The following DGLUCY variants were observed in gnomAD, a reference collection of about 807,000 sequenced individuals.
The protein encoded by DGLUCY is D-glutamate cyclase, mitochondrial.
A neutral mutation model predicts 58.5 loss-of-function variants in DGLUCY; 58 were observed. The observed-to-expected ratio is 0.99, with a 90% CI of 0.80 to 1.23. The LOEUF is 1.23. Among genes scored for constraint, DGLUCY ranks in the 50% most tolerant of loss-of-function variants. DGLUCY has a pLI of 0.00. For synonymous variants in DGLUCY, 325 were observed against 314.1 expected (o/e 1.03, Z -0.37); for missense variants, 779 against 784.7 (o/e 0.99, Z 0.09).
intron 9 of DGLUCY, among the ~76,000 whole-genome samples, chr14:91,195,059 G>T (rs2050122405): frequency 6.6e-6 from 1 of 152,108 alleles, no homozygotes; most frequent in African/African-American, 2.4e-5. Flanking sequence ...CTACGTGAGG[G>T]GTGTGAGGGG....
chr14:91,118,952 G>A (rs954361623), intron 1 of DGLUCY, among the ~76,000 whole-genome samples: 4 of 151,934 alleles, frequency 2.6e-5, no homozygotes, highest in Non-Finnish European at 5.9e-5. Flanking sequence ...ACCCTAAAAA[G>A]TCTACCTAAA....
chr14:91,123,499 T>C (rs1301255103), intron 1 of DGLUCY, among the ~76,000 whole-genome samples: 1 of 143,410 alleles, frequency 7.0e-6, no homozygotes, highest in Non-Finnish European at 1.5e-5. Context: ...AAAAAAAGAA[T>C]GAACTGTATG....
chr14:91,218,008 G>A (rs959316171), intron 13 of DGLUCY, among the ~76,000 whole-genome samples: 5 of 152,190 alleles, frequency 3.3e-5, no homozygotes, highest in Non-Finnish European at 7.3e-5. Flanking sequence ...CCAGCTGAGA[G>A]GCAGAGCTGG....
intron 1 of DGLUCY, among the ~76,000 whole-genome samples, chr14:91,141,916 GCCCACT>G (rs757342080): frequency 1.3e-5 from 2 of 151,292 alleles, no homozygotes; most frequent in Non-Finnish European, 2.9e-5. Flanking sequence ...CGTGATCTCG[GCCCACT>G]GCAACCTCTG....
intron 1 of DGLUCY, among the ~76,000 whole-genome samples, chr14:91,156,753 C>T (rs2047641995): frequency 6.6e-6 from 1 of 152,182 alleles, no homozygotes; most frequent in Admixed American, 6.5e-5. Flanking sequence ...AGCCAGGGCT[C>T]ACTGATTGGA....
At chr14:91,173,870 A>G (rs2048714219) in intron 6 of DGLUCY, 2 of 151,780 alleles carry the variant, frequency 1.3e-5, no homozygotes, top group South Asian at 4.1e-4. Flanking sequence ...ATATATATAT[A>G]TAATGAATAT....
At chr14:91,068,065 A>C (rs1393001542) in intron 1 of DGLUCY, among the ~76,000 whole-genome samples, 1 of 128,502 alleles carries the variant, frequency 7.8e-6, no homozygotes, top group Non-Finnish European at 1.6e-5. Context: ...GCGTGCACAC[A>C]CACACACGCG....
At chr14:91,108,520 TGTGTGTGAGA>T (rs1212467449) in intron 1 of DGLUCY, among the ~76,000 whole-genome samples, 33 of 83,602 alleles carry the variant, frequency 3.9e-4, no homozygotes, top group Non-Finnish European at 3.7e-4. Flanking sequence ...TGTGTGTGTG[TGTGTGTGAGA>T]GAGAGAGAGA....
intron 1 of DGLUCY, among the ~76,000 whole-genome samples, chr14:91,149,822 T>A (rs942038128): frequency 7.2e-5 from 11 of 152,218 alleles, no homozygotes; most frequent in Non-Finnish European, 1.2e-4. Flanking sequence ...AAAAGCAGAT[T>A]TACTTTGAAG....
At chr14:91,115,622 C>A (rs2044879964) in intron 1 of DGLUCY, among the ~76,000 whole-genome samples, 1 of 152,108 alleles carries the variant, frequency 6.6e-6, no homozygotes, top group Non-Finnish European at 1.5e-5. Flanking sequence ...CAGGGTTTTG[C>A]CATGTTAGCC....
At chr14:91,146,021 G>C (rs776056651) in intron 1 of DGLUCY, among the ~76,000 whole-genome samples, 29 of 152,238 alleles carry the variant, frequency 1.9e-4, no homozygotes, top group East Asian at 1.2e-3. Flanking sequence ...TGGGACCACA[G>C]CTACCATGCC....
intron 1 of DGLUCY, among the ~76,000 whole-genome samples, chr14:91,135,751 G>T (rs1040436422): frequency 6.8e-6 from 1 of 147,024 alleles, no homozygotes; most frequent in African/African-American, 2.5e-5. Flanking sequence ...GTTCAAATTA[G>T]TTGAGTTTTT....
chr14:91,112,078 TA>T (rs577578257), upstream of DGLUCY, among the ~76,000 whole-genome samples: 751 of 137,534 alleles, frequency 5.5e-3, no homozygotes, highest in Admixed American at 5.8e-3. Context: ...TCTCTACTAC[TA>T]AAAAAAAAAA....
chr14:91,146,141 G>A (rs1014667240), intron 1 of DGLUCY, among the ~76,000 whole-genome samples: 1 of 152,140 alleles, frequency 6.6e-6, no homozygotes, highest in Non-Finnish European at 1.5e-5. Context: ...CCAAAGTGCT[G>A]GAATTAAGGC....
At chr14:91,173,152 A>G (rs2048666013) in intron 5 of DGLUCY, 137 bp from the exon 6 acceptor site, 4 of 964,546 alleles carry the variant, frequency 4.1e-6, no homozygotes, top group Non-Finnish European at 6.1e-6. Context: ...TCTATGTCAC[A>G]TAAAAATAGA....
intron 9 of DGLUCY, among the ~76,000 whole-genome samples, chr14:91,190,028 C>T (rs2049779307): frequency 7.2e-6 from 1 of 138,994 alleles, no homozygotes; most frequent in Admixed American, 7.7e-5. Flanking sequence ...CGCTCTGTCG[C>T]CCAGGCTGGA....
intron 2 of DGLUCY, 41 bp from the exon 3 acceptor site, chr14:91,160,225 G>A (rs1191642433): frequency 2.4e-6 from 3 of 1,247,364 alleles, no homozygotes; most frequent in African/African-American, 1.5e-5. Context: ...CCTTCAGGGG[G>A]CCACACTTTC....
chr14:91,200,561 T>C lies in DGLUCY; in HGVS notation c.1444+656T>C, dbSNP rs914938239. On this transcript the variant is annotated intron_variant, in intron 11 of 13. Transcript: ENST00000256324. Reference sequence around the variant, plus strand: ...GTGAAGCATGTTAATTTAAAAATTATCTAATATATGATTAATATTTCAATT... The same window carrying C: ...GTGAAGCATGTTAATTTAAAAATTACCTAATATATGATTAATATTTCAATT... Among the ~76,000 whole-genome samples the C allele has an allele frequency of 4.6e-5, 7 of 152,182 alleles. No individual in the cohort carries two copies. The South Asian group carries it at 6.2e-4, about 13-fold the overall frequency.
chr14:91,209,726 TAAAAC>T lies in DGLUCY; in HGVS notation c.1564+4903_1564+4907del, dbSNP rs1477663801. On this transcript the variant is annotated intron_variant, in intron 12 of 13. Coordinates refer to ENST00000256324, the MANE Select transcript of DGLUCY (RefSeq NM_001102368.3). ...CCATCTCAAAAAACAAAAAAGAAAATAAAACAGAAAGCAAAAAACAAACCAAGATT... is the reference window on the plus strand; with the variant it reads ...CCATCTCAAAAAACAAAAAAGAAAATAGAAAGCAAAAAACAAACCAAGATT... Among the ~76,000 whole-genome samples the T allele has an allele frequency of 4.0e-5, 6 of 151,676 alleles. No homozygotes were observed. The South Asian group carries it at 6.3e-4, about 16-fold the overall frequency.
Sources: gnomAD v4.1 joint callset for allele counts (sites outside exome capture counted in the v4.1 genomes callset) on GRCh38, gnomAD v4.1.1 for gene constraint, MANE v1.5 for transcripts, NCBI Gene and HGNC (gene_info 2026-07-23, HGNC 2026-07-21) for gene names.